Variants in TNFRSF19 observed in about 807,000 individuals in gnomAD.
The protein encoded by TNFRSF19 is tumor necrosis factor receptor superfamily member 19.
A neutral mutation model predicts 46.4 loss-of-function variants in TNFRSF19; 27 were observed. The observed-to-expected ratio is 0.58, with a 90% CI of 0.43 to 0.80. TNFRSF19 has a LOEUF of 0.80. Among genes scored for constraint, TNFRSF19 ranks in the 30% least tolerant of loss-of-function variants. The pLI is 0.00. For synonymous variants in TNFRSF19, 204 were observed against 205.0 expected, an observed-to-expected ratio of 1.00 and a Z score of 0.04; for missense variants, 511 against 530.8, an observed-to-expected ratio of 0.96 and a Z score of 0.37.
chr13:23,620,367 G>A (rs975897316), intron 4 of TNFRSF19, among the ~76,000 whole-genome samples: 4 of 152,188 alleles, frequency 2.6e-5, no homozygotes, highest in African/African-American at 9.6e-5. Flanking sequence ...ACCTGCTGCT[G>A]TCCATAGGCC....
intron 1 of TNFRSF19, among the ~76,000 whole-genome samples, chr13:23,582,369 C>T (rs1389081557): frequency 6.6e-6 from 1 of 151,918 alleles, no homozygotes; most frequent in Non-Finnish European, 1.5e-5. Context: ...CCACTGCACT[C>T]CAGCCTGGGC....
chr13:23,645,363 G>A (rs1406304671), intron 5 of TNFRSF19, among the ~76,000 whole-genome samples: 5 of 151,956 alleles, frequency 3.3e-5, no homozygotes, highest in South Asian at 2.1e-4. Context: ...CACCATGCCC[G>A]GCTACTTTTT....
chr13:23,633,956 T>C (rs1882521625), intron 5 of TNFRSF19, among the ~76,000 whole-genome samples: 1 of 152,312 alleles, frequency 6.6e-6, no homozygotes, highest in Non-Finnish European at 1.5e-5. Context: ...ATAAATGTAA[T>C]TGGTTTATAT....
rs185628222 is a variant in TNFRSF19, at chr13:23,622,712, G to A, written c.360-3995G>A. On this transcript the variant is annotated intron_variant, in intron 4 of 9. Coordinates refer to ENST00000248484, the MANE Select transcript of TNFRSF19 (RefSeq NM_148957.4). ...ATCCCCAATATTTATTCTTGAGAATGTTGGATATTACATTTTTTAACTTTT... is the reference window on the plus strand; with the variant it reads ...ATCCCCAATATTTATTCTTGAGAATATTGGATATTACATTTTTTAACTTTT... Among the ~76,000 whole-genome samples, 364 of 152,220 alleles carry A rather than the reference G, an allele frequency of 2.4e-3. 3 individuals are homozygous for A. The highest frequency in any genetic ancestry group is 8.2e-3 in the African/African-American group (341 of 41,550).
intron 5 of TNFRSF19, among the ~76,000 whole-genome samples, chr13:23,643,836 T>C (rs936337979): frequency 6.6e-6 from 1 of 152,258 alleles, no homozygotes; most frequent in Non-Finnish European, 1.5e-5. Flanking sequence ...CATTGCAATG[T>C]GCATTTCTTT....
At chr13:23,638,066 C>G (rs182683808) in intron 5 of TNFRSF19, among the ~76,000 whole-genome samples, 174 of 129,394 alleles carry the variant, frequency 1.3e-3, no homozygotes, top group African/African-American at 4.1e-3. Context: ...ATGTTCAAGG[C>G]CATAATAATG....
At position 23,660,316 on chromosome 13, in the gene TNFRSF19, A is replaced by G. The variant is rs569479562; in HGVS notation, c.611-49A>G. On this transcript the variant is annotated intron_variant, in intron 6 of 9. Coordinates refer to ENST00000248484, the MANE Select transcript of TNFRSF19 (RefSeq NM_148957.4). The stretch of plus-strand genomic sequence containing the variant: ...ACAAAAGCTAGAATGGCACAGGTCC[A>G]CTAGAGAGGAGACTGTGTTCCCTGA... 6.4e-6 allele frequency: 10 copies of G among 1,570,504 alleles called. No homozygotes were observed. In the East Asian group the frequency reaches 2.1e-4, roughly 33 times the overall value.
intron 1 of TNFRSF19, chr13:23,585,375 T>C (rs1358186952): frequency 1.3e-5 from 2 of 152,224 alleles, no homozygotes; most frequent in African/African-American, 4.8e-5. Flanking sequence ...ATTTACACCA[T>C]CAAAAATATA....
At chr13:23,583,489 A>T (rs1467840381) in intron 1 of TNFRSF19, among the ~76,000 whole-genome samples, 1 of 152,246 alleles carries the variant, frequency 6.6e-6, no homozygotes, top group Non-Finnish European at 1.5e-5. Context: ...CTTCTAGTCC[A>T]CATGTCACAT....
At chr13:23,585,912 G>A (rs1878790661) in intron 1 of TNFRSF19, among the ~76,000 whole-genome samples, 1 of 152,082 alleles carries the variant, frequency 6.6e-6, no homozygotes, top group Admixed American at 6.6e-5. Flanking sequence ...CTAATTTTTC[G>A]AGAACATTTT....
rs370697357 is a variant in TNFRSF19, at chr13:23,648,059, T to G, written c.446-10991T>G. Reference sequence around the variant, plus strand: ...TCTTTGTTCTTTTGTAAGACTATTTTGACTATTTCAGGGTTCCTTGAAATT... The same window carrying G: ...TCTTTGTTCTTTTGTAAGACTATTTGGACTATTTCAGGGTTCCTTGAAATT... On this transcript the variant is annotated intron_variant, in intron 5 of 9. Coordinates refer to ENST00000248484, the MANE Select transcript of TNFRSF19 (RefSeq NM_148957.4). Among the ~76,000 whole-genome samples, 440 of 152,338 alleles carry G rather than the reference T, an allele frequency of 2.9e-3. 5 individuals carry two copies. The highest frequency in any genetic ancestry group is 9.6e-3 in the African/African-American group (399 of 41,568).
rs1877584506 is a variant in TNFRSF19, at chr13:23,570,657, G to C, written c.-226G>C. ...TATATATAAACTCAGCCCTGCCTTT[G>C]ATGTTCAGCAACTGATTCACTGATC... is the stretch of plus-strand genomic sequence containing the variant. On this transcript the variant is annotated 5_prime_UTR_variant, in exon 1 of 10. Coordinates refer to ENST00000248484, the MANE Select transcript of TNFRSF19 (RefSeq NM_148957.4). The C allele has an allele frequency of 6.6e-6, 1 of 152,106 alleles. No individual in the cohort carries two copies. Among genetic ancestry groups the C allele is most frequent in the African/African-American group, 2.4e-5 (1 of 41,460 alleles). 9.4% of individuals were successfully genotyped at this position (152,106 alleles called of 1,614,324 possible).
chr13:23,577,068 C>T (rs1473963218), intron 1 of TNFRSF19, among the ~76,000 whole-genome samples: 3 of 152,206 alleles, frequency 2.0e-5, no homozygotes, highest in Non-Finnish European at 4.4e-5. Context: ...TACTTACCAA[C>T]CATCAATGAA....
intron 1 of TNFRSF19, among the ~76,000 whole-genome samples, chr13:23,576,665 C>G (rs1877978643): frequency 6.6e-6 from 1 of 152,214 alleles, no homozygotes; most frequent in Non-Finnish European, 1.5e-5. Flanking sequence ...TGAATCATCT[C>G]TGTATTACTT....
At chr13:23,590,119 T>C (rs1350594820) in intron 1 of TNFRSF19, 31 bp from the exon 2 acceptor site, 1 of 1,106,628 alleles carries the variant, frequency 9.0e-7, no homozygotes, top group Non-Finnish European at 1.3e-6. Context: ...ATGTTTTTAA[T>C]ATTAACTGCA....
At chr13:23,672,133 T>C (rs968898611) in intron 9 of TNFRSF19, among the ~76,000 whole-genome samples, 2 of 152,234 alleles carry the variant, frequency 1.3e-5, no homozygotes, top group African/African-American at 4.8e-5. Context: ...TTCCACACAC[T>C]AGTTTTCTTG....
Position 23,626,766 on chromosome 13 carries a change from A to T in TNFRSF19, c.419A>T (p.Asp140Val), listed in dbSNP as rs371112090. The T allele has an allele frequency of 9.9e-6, 16 of 1,613,818 alleles. No individual in the cohort carries two copies. The highest frequency in any genetic ancestry group is 2.2e-5 in the East Asian group (1 of 44,874). ...GACATGGAGTGTGTGCCTTGTGGAG[A>T]CCCTCCTCCTCCTTACGAACCGCAC... ...FQDMECVPCG[D>V]PPPPYEPHCA... is the part of the protein sequence containing the mutation. Residue 140 changes from aspartate to valine, a missense_variant, in exon 5 of 10, where the codon GAC becomes GTC. Asp to Val is a radical substitution (Grantham distance 152, BLOSUM62 -3). Coordinates refer to ENST00000248484, the MANE Select transcript of TNFRSF19 (RefSeq NM_148957.4).
intron 4 of TNFRSF19, among the ~76,000 whole-genome samples, chr13:23,622,645 C>A (rs1881746039): frequency 6.6e-6 from 1 of 152,048 alleles, no homozygotes; most frequent in Admixed American, 6.5e-5. Flanking sequence ...TCAATACCTC[C>A]CATTTTCCTA....
intron 9 of TNFRSF19, among the ~76,000 whole-genome samples, chr13:23,673,078 C>T (rs1245585701): frequency 6.6e-6 from 1 of 152,168 alleles, no homozygotes; most frequent in Non-Finnish European, 1.5e-5. Context: ...TGAAAGCCCA[C>T]AAAAGAATTG....
Sources: allele counts gnomAD v4.1 joint callset (sites outside exome capture counted in the v4.1 genomes callset), GRCh38; gene constraint gnomAD v4.1.1; transcripts MANE v1.5; gene names NCBI Gene and HGNC (gene_info 2026-07-23, HGNC 2026-07-21).